TMEM40: variants seen among roughly 807,000 people sequenced by gnomAD.
TMEM40 encodes transmembrane protein 40.
Under a neutral mutation model 40.8 loss-of-function variants are expected in TMEM40, and 34 were observed. That is an observed-to-expected ratio of 0.83 (90% CI 0.63 to 1.11). The LOEUF is 1.11. TMEM40 is among the 50% of genes least tolerant of loss of function. The probability of loss-of-function intolerance (pLI) is 0.00; values close to 1 mark genes in which losing one functional copy is unlikely to be tolerated. For synonymous variants in TMEM40, 106 were observed against 107.0 expected, an observed-to-expected ratio of 0.99 and a Z score of 0.06; for missense variants, 296 against 280.2, an observed-to-expected ratio of 1.06 and a Z score of -0.40.
chr3:12,736,868 C>T (rs957485947), intron 8 of TMEM40, 33 bp from the exon 9 acceptor site: 5 of 1,613,638 alleles, frequency 3.1e-6, no homozygotes, highest in African/African-American at 2.7e-5. Flanking sequence ...TCACTATCTG[C>T]TGCTTTCTCT....
intron 1 of TMEM40, among the ~76,000 whole-genome samples, chr3:12,758,687 C>T (rs557854789): frequency 6.6e-6 from 1 of 152,316 alleles, no homozygotes; most frequent in East Asian, 1.9e-4. Context: ...ACCTGGCTGG[C>T]AGCCCAGGGT....
chr3:12,749,528 T>C (rs2061456652), intron 2 of TMEM40, among the ~76,000 whole-genome samples: 1 of 152,124 alleles, frequency 6.6e-6, no homozygotes, highest in African/African-American at 2.4e-5. Flanking sequence ...CCCCAGAGAA[T>C]TCTTGAGATT....
chr3:12,760,249 G>T (rs1157595407), upstream of TMEM40, among the ~76,000 whole-genome samples: 2 of 151,994 alleles, frequency 1.3e-5, no homozygotes, highest in African/African-American at 4.8e-5. Flanking sequence ...GCAGCCAGGG[G>T]GTCCTGTTCA....
intron 1 of TMEM40, among the ~76,000 whole-genome samples, chr3:12,755,209 T>TACTTTCTC (rs1553634004): frequency 3.7e-4 from 29 of 78,124 alleles, no homozygotes; most frequent in Non-Finnish European, 6.1e-4. Flanking sequence ...CTTTCTTTCT[T>TACTTTCTC]TCTTTCTCTC....
At chr3:12,758,816 G>A (rs1337621117) in intron 1 of TMEM40, among the ~76,000 whole-genome samples, 8 of 152,198 alleles carry the variant, frequency 5.3e-5, no homozygotes, top group Admixed American at 5.2e-4. Flanking sequence ...TTCCATAACA[G>A]TGAGGGTGTG....
At chr3:12,741,914 G>A (rs2061385529) in intron 5 of TMEM40, among the ~76,000 whole-genome samples, 2 of 152,066 alleles carry the variant, frequency 1.3e-5, no homozygotes, top group Admixed American at 1.3e-4. Flanking sequence ...GGGCAACATG[G>A]CAAAACTCTG....
chr3:12,768,952 CGGG>C (rs1559538196), intron 1 of TMEM40, among the ~76,000 whole-genome samples: 1 of 1,858 alleles, frequency 5.4e-4, no homozygotes, highest in African/African-American at 4.8e-3. Context: ...GCGGGGGGGG[CGGG>C]GGGGCGCGGC....
intron 4 of TMEM40, 77 bp from the exon 5 acceptor site, chr3:12,742,584 A>T: frequency 6.5e-7 from 1 of 1,543,008 alleles, no homozygotes; most frequent in Non-Finnish European, 8.9e-7. Flanking sequence ...CATGGCTTCG[A>T]CGCTTAAGAA....
At chr3:12,743,106 A>T (rs1019288769) in intron 4 of TMEM40, among the ~76,000 whole-genome samples, 4 of 152,108 alleles carry the variant, frequency 2.6e-5, no homozygotes, top group Middle Eastern at 3.2e-3. Flanking sequence ...CCTTTTCCCC[A>T]TGCTCTTTCC....
chr3:12,756,694 G>A (rs2061530498), intron 1 of TMEM40, among the ~76,000 whole-genome samples: 1 of 152,058 alleles, frequency 6.6e-6, no homozygotes, highest in Admixed American at 6.6e-5. Context: ...ACAGAGCCAG[G>A]CGGGTCCCTT....
upstream of TMEM40, among the ~76,000 whole-genome samples, chr3:12,760,474 G>T (rs1427717422): frequency 6.6e-6 from 1 of 152,066 alleles, no homozygotes; most frequent in Non-Finnish European, 1.5e-5. Context: ...CAGGGCCTTT[G>T]CCCTGGCTGT....
At position 12,734,379 on chromosome 3, in the gene TMEM40, G is replaced by T. The variant is rs780747504; in HGVS notation, c.*395C>A. 1 of 186,648 alleles carries T rather than the reference G, an allele frequency of 5.4e-6. No homozygotes were observed. The highest frequency in any genetic ancestry group is 1.1e-5 in the Non-Finnish European group (1 of 90,400). 11.6% of individuals were successfully genotyped at this position (186,648 alleles called of 1,614,324 possible). On this transcript the variant is annotated 3_prime_UTR_variant, in exon 12 of 12. Coordinates refer to ENST00000314124, the MANE Select transcript of TMEM40 (RefSeq NM_018306.4). Reference sequence around the variant, plus strand: ...CCATCTCTCCCAGGATGGCTCGGTAGCACCTGAGAGCGCATGCAGATAGCC... The same window carrying T: ...CCATCTCTCCCAGGATGGCTCGGTATCACCTGAGAGCGCATGCAGATAGCC...
At chr3:12,742,599 C>T in intron 4 of TMEM40, 92 bp from the exon 5 acceptor site, 1 of 1,464,848 alleles carries the variant, frequency 6.8e-7, no homozygotes, top group East Asian at 2.3e-5. Context: ...TAAGAAGTAC[C>T]ACAGTCCTTG....
upstream of TMEM40, among the ~76,000 whole-genome samples, chr3:12,761,288 G>A (rs980268711): frequency 4.6e-5 from 7 of 151,666 alleles, no homozygotes; most frequent in African/African-American, 1.7e-4. Context: ...ACCTGAGAGG[G>A]ACATGACCAA....
intron 1 of TMEM40, among the ~76,000 whole-genome samples, chr3:12,755,208 T>TC (rs1491540955): frequency 8.0e-4 from 63 of 78,986 alleles, no homozygotes; most frequent in African/African-American, 3.8e-3. Flanking sequence ...CCTTTCTTTC[T>TC]TTCTTTCTCT....
intron 1 of TMEM40, among the ~76,000 whole-genome samples, chr3:12,756,408 C>A (rs1489473834): frequency 1.3e-5 from 2 of 152,142 alleles, no homozygotes; most frequent in South Asian, 4.1e-4. Flanking sequence ...TAGATGAGTG[C>A]TGCTCTAGAT....
chr3:12,737,953 C>T (rs972863632), intron 7 of TMEM40, 183 bp downstream of exon 7: 11 of 945,710 alleles, frequency 1.2e-5, no homozygotes, highest in Non-Finnish European at 8.2e-6. Context: ...CTTCCTTAGG[C>T]CCGAGTCTGC....
At chr3:12,766,397 C>T (rs2061594854) in intron 1 of TMEM40, among the ~76,000 whole-genome samples, 1 of 151,998 alleles carries the variant, frequency 6.6e-6, no homozygotes, top group Non-Finnish European at 1.5e-5. Flanking sequence ...AGATCGAGAC[C>T]ATCCTGGCTA....
At chr3:12,750,302 T>C (rs2061464818) in intron 1 of TMEM40, among the ~76,000 whole-genome samples, 1 of 152,018 alleles carries the variant, frequency 6.6e-6, no homozygotes, top group African/African-American at 2.4e-5. Context: ...GAATGCAGAT[T>C]TGAAGTTGGT....
Sources: gnomAD v4.1 joint callset for allele counts (sites outside exome capture counted in the v4.1 genomes callset) on GRCh38, gnomAD v4.1.1 for gene constraint, MANE v1.5 for transcripts, NCBI Gene and HGNC (gene_info 2026-07-23, HGNC 2026-07-21) for gene names.